The following LRRC37A2 variants were observed in gnomAD, a reference collection of about 807,000 sequenced individuals.
The protein encoded by LRRC37A2 is leucine rich repeat containing 37 member A2, also known as leucine-rich repeat-containing protein 37A2.
LRRC37A2 carries 9 observed loss-of-function variants against 68.8 expected under a neutral mutation model. That is an observed-to-expected ratio of 0.13 (90% CI 0.08 to 0.23). The LOEUF (loss-of-function observed/expected upper bound fraction) is 0.23. LRRC37A2 is among the 10% of genes least tolerant of loss of function. The pLI is 1.00. For missense variants in LRRC37A2, 168 were observed against 950.4 expected, an observed-to-expected ratio of 0.18 and a Z score of 10.82; for synonymous variants, 63 against 367.6, an observed-to-expected ratio of 0.17 and a Z score of 9.48.
the LRRC37A2 span, chr17:46,768,590 G>A: frequency 6.2e-7 from 1 of 1,614,176 alleles, no homozygotes; most frequent in South Asian, 1.1e-5. This position sits in a 1 kb window ranked among gnomAD's most constrained non-coding sequence, Gnocchi z 5.0. Flanking sequence ...TGGGTGGCTT[G>A]AAGAGCGAGT....
intron 4 of LRRC37A2, among the ~76,000 whole-genome samples, chr17:46,521,471 T>C (rs1363740589): frequency 1.8e-5 from 1 of 56,206 alleles, no homozygotes; most frequent in Admixed American, 1.8e-4. Context: ...TTTATTTCCA[T>C]GTGTCAGTTT....
the LRRC37A2 span, among the ~76,000 whole-genome samples, chr17:46,922,521 T>G: frequency 6.6e-6 from 1 of 152,184 alleles, no homozygotes; most frequent in Admixed American, 6.5e-5. Flanking sequence ...AATCTATAAC[T>G]ACATTTCTTG....
the LRRC37A2 span, among the ~76,000 whole-genome samples, chr17:46,725,912 C>G: frequency 6.6e-6 from 1 of 152,214 alleles, no homozygotes; most frequent in Non-Finnish European, 1.5e-5. Context: ...GCTAATTCTT[C>G]TATCTGATTT....
chr17:46,861,289 T>G, the LRRC37A2 span, among the ~76,000 whole-genome samples: 1 of 152,194 alleles, frequency 6.6e-6, no homozygotes, highest in African/African-American at 2.4e-5. Flanking sequence ...TGTAGTTTCC[T>G]TTAGTAGAGA....
chr17:46,532,856 T>C (rs1253675315), intron 6 of LRRC37A2, among the ~76,000 whole-genome samples: 2 of 149,510 alleles, frequency 1.3e-5, no homozygotes, highest in Non-Finnish European at 1.5e-5. Flanking sequence ...ATCCTAGCAC[T>C]TTGGGAGGCT....
the LRRC37A2 span, among the ~76,000 whole-genome samples, chr17:46,473,771 C>G: frequency 1.5e-5 from 1 of 66,860 alleles, no homozygotes; most frequent in East Asian, 3.1e-4. Flanking sequence ...TAGCACATGC[C>G]TACAATCCCA....
the LRRC37A2 span, among the ~76,000 whole-genome samples, chr17:46,847,169 GT>G: frequency 1.3e-5 from 2 of 152,176 alleles, no homozygotes; most frequent in African/African-American, 4.8e-5. Context: ...ACATTTTGGT[GT>G]CCTTCTCTGC....
the LRRC37A2 span, among the ~76,000 whole-genome samples, chr17:47,001,717 C>CTTTTTTTTTTTTTTT: frequency 1.8e-5 from 2 of 108,616 alleles, no homozygotes; most frequent in Non-Finnish European, 3.8e-5. Flanking sequence ...CTCTTTTTTC[C>CTTTTTTTTTTTTTTT]TTTTTTTTTT....
At chr17:47,037,876 T>A in the LRRC37A2 span, among the ~76,000 whole-genome samples, 1 of 152,238 alleles carries the variant, frequency 6.6e-6, no homozygotes, top group Non-Finnish European at 1.5e-5. Context: ...TTTCTGGTAA[T>A]GTGTCTTTCA....
the LRRC37A2 span, chr17:47,027,665 T>C: frequency 2.1e-6 from 2 of 933,636 alleles, no homozygotes; most frequent in East Asian, 4.9e-5. Flanking sequence ...ATTTGGAATT[T>C]TTATAAAACT....
the LRRC37A2 span, among the ~76,000 whole-genome samples, chr17:46,440,397 A>T: frequency 0.015 from 934 of 63,630 alleles, 41 homozygotes; most frequent in African/African-American, 0.035. Context: ...ATTTTATTTT[A>T]TTTTTTTTTT....
At chr17:46,532,280 T>C (rs2053785862) in intron 6 of LRRC37A2, among the ~76,000 whole-genome samples, 1 of 149,758 alleles carries the variant, frequency 6.7e-6, no homozygotes, top group East Asian at 2.0e-4. Context: ...GCTATTATTA[T>C]CTGCTTCATG....
At chr17:46,708,432 G>A in the LRRC37A2 span, among the ~76,000 whole-genome samples, 35 of 149,978 alleles carry the variant, frequency 2.3e-4, no homozygotes, top group African/African-American at 7.6e-4. Flanking sequence ...TTGTATTTTC[G>A]TAATGATTAG....
the LRRC37A2 span, among the ~76,000 whole-genome samples, chr17:46,908,278 G>C: frequency 6.6e-6 from 1 of 152,132 alleles, no homozygotes; most frequent in African/African-American, 2.4e-5. Context: ...AGCGGGAAGG[G>C]GGCCTCTGAG....
the LRRC37A2 span, among the ~76,000 whole-genome samples, chr17:46,900,198 T>TACACACAC: frequency 8.7e-5 from 8 of 92,092 alleles, no homozygotes; most frequent in African/African-American, 3.5e-4. Context: ...TATATATATA[T>TACACACAC]ATATACACAC....
At chr17:46,884,091 C>T in the LRRC37A2 span, among the ~76,000 whole-genome samples, 8 of 152,100 alleles carry the variant, frequency 5.3e-5, no homozygotes, top group Non-Finnish European at 1.0e-4. Context: ...ATTCCTGCCC[C>T]CACGTCTCAA....
At chr17:46,979,600 T>A in the LRRC37A2 span, among the ~76,000 whole-genome samples, 1 of 152,090 alleles carries the variant, frequency 6.6e-6, no homozygotes, top group Non-Finnish European at 1.5e-5. Context: ...TTGCTAGACA[T>A]CAGATGAGTC....
chr17:46,815,943 G>A, the LRRC37A2 span, among the ~76,000 whole-genome samples: 3 of 152,256 alleles, frequency 2.0e-5, no homozygotes, highest in South Asian at 4.1e-4. Context: ...CCAGCACCTG[G>A]GGACAGGATC....
chr17:47,001,234 T>C, the LRRC37A2 span, among the ~76,000 whole-genome samples: 1 of 152,144 alleles, frequency 6.6e-6, no homozygotes, highest in Non-Finnish European at 1.5e-5. Flanking sequence ...CCTCCCAGGA[T>C]AGGGAGCACA....
Sources: gnomAD v4.1 joint callset for allele counts (sites outside exome capture counted in the v4.1 genomes callset) on GRCh38, gnomAD v4.1.1 for gene constraint, Gnocchi (gnomAD v3.1) non-coding constraint, MANE v1.5 for transcripts, NCBI Gene and HGNC (gene_info 2026-07-23, HGNC 2026-07-21) for gene names.